Variants in GPC6 observed in about 807,000 individuals in gnomAD.
GPC6 encodes the protein glypican 6.
In GPC6, 14 loss-of-function variants were observed where a neutral mutation model predicts 55.2. That is an observed-to-expected ratio of 0.25 (90% CI 0.17 to 0.40). GPC6 has a LOEUF of 0.40. Among genes scored for constraint, GPC6 ranks in the 10% least tolerant of loss-of-function variants. The pLI is 1.00. For synonymous variants in GPC6, 278 were observed against 259.6 expected (o/e 1.07, Z -0.68); for missense variants, 641 against 708.5 (o/e 0.90, Z 1.08).
intron 4 of GPC6, among the ~76,000 whole-genome samples, chr13:94,136,266 T>G (rs1445699125): frequency 6.6e-6 from 1 of 151,684 alleles, no homozygotes; most frequent in Non-Finnish European, 1.5e-5. Context: ...CCGACTTCTG[T>G]GAACTACTGA....
intron 3 of GPC6, among the ~76,000 whole-genome samples, chr13:93,878,408 G>A (rs186219191): frequency 5.5e-4 from 83 of 152,068 alleles, no homozygotes; most frequent in African/African-American, 1.9e-3. Flanking sequence ...ACGGAGTCTC[G>A]CACTGTCATC....
chr13:93,281,857 A>G (rs1358823869), intron 1 of GPC6, among the ~76,000 whole-genome samples: 4 of 152,222 alleles, frequency 2.6e-5, no homozygotes, highest in South Asian at 4.1e-4. Flanking sequence ...TCCAATATGC[A>G]CCTATTCTGA....
intron 3 of GPC6, among the ~76,000 whole-genome samples, chr13:94,023,132 G>T (rs1396098941): frequency 1.3e-5 from 2 of 151,978 alleles, no homozygotes; most frequent in South Asian, 2.1e-4. Context: ...GTTGCTAAAA[G>T]AATACATTTT....
chr13:93,592,005 T>C (rs1219643282), intron 2 of GPC6, among the ~76,000 whole-genome samples: 1 of 152,152 alleles, frequency 6.6e-6, no homozygotes, highest in Non-Finnish European at 1.5e-5. Context: ...AAGTTAAATA[T>C]AAGGAAGCAG....
intron 6 of GPC6, among the ~76,000 whole-genome samples, chr13:94,317,641 G>T (rs550803655): frequency 6.6e-6 from 1 of 152,254 alleles, no homozygotes; most frequent in Admixed American, 6.5e-5. Flanking sequence ...CAAGTGAAAG[G>T]ATCCTCATGC....
At chr13:93,746,503 C>T (rs1304164983) in intron 2 of GPC6, among the ~76,000 whole-genome samples, 1 of 152,024 alleles carries the variant, frequency 6.6e-6, no homozygotes, top group Admixed American at 6.6e-5. Context: ...CCTAGAGCAT[C>T]AAAAAATGTG....
intron 6 of GPC6, among the ~76,000 whole-genome samples, chr13:94,312,869 A>G (rs922054380): frequency 2.0e-5 from 3 of 152,234 alleles, no homozygotes; most frequent in Non-Finnish European, 4.4e-5. Flanking sequence ...ATTGGCTTTC[A>G]GCCTCCGCTG....
chr13:93,538,432 G>A (rs1352265388), intron 1 of GPC6, among the ~76,000 whole-genome samples: 1 of 152,170 alleles, frequency 6.6e-6, no homozygotes, highest in Non-Finnish European at 1.5e-5. Flanking sequence ...GAGATGAGGA[G>A]ATGGAGAATA....
rs375868690 is a variant in GPC6, at chr13:93,432,202, T to C, written c.161-113061T>C. 8.5e-5 allele frequency among the ~76,000 whole-genome samples: 13 copies of C among 152,276 alleles called. No individual in the cohort carries two copies. In the South Asian group the frequency reaches 1.9e-3, roughly 22 times the overall value. On this transcript the variant is annotated intron_variant, in intron 1 of 8. Transcript: ENST00000377047. ...AAGACAAATTAGAGGCAGTGAGTTA[T>C]ATGTAAGCGTTGCCTTTACCAAGTT...
chr13:94,312,105 TC>T (rs1380148883), intron 6 of GPC6, among the ~76,000 whole-genome samples: 7 of 152,192 alleles, frequency 4.6e-5, no homozygotes, highest in African/African-American at 1.7e-4. Context: ...TATCATAACA[TC>T]CCTGTGTGTC....
chr13:93,748,152 C>T (rs541454114), intron 2 of GPC6, among the ~76,000 whole-genome samples: 11 of 152,138 alleles, frequency 7.2e-5, no homozygotes, highest in South Asian at 2.1e-4. Context: ...TCAATATTAC[C>T]AACGATACTA....
At chr13:93,737,990 A>G (rs1426959430) in intron 2 of GPC6, among the ~76,000 whole-genome samples, 1 of 152,170 alleles carries the variant, frequency 6.6e-6, no homozygotes, top group South Asian at 2.1e-4. Flanking sequence ...TTATATTTTC[A>G]GACTAAAGAT....
At chr13:93,381,554 G>A (rs1875168564) in intron 1 of GPC6, among the ~76,000 whole-genome samples, 1 of 152,108 alleles carries the variant, frequency 6.6e-6, no homozygotes, top group African/African-American at 2.4e-5. Context: ...AGTTACAGGA[G>A]CTTGTGGGCA....
At chr13:93,439,757 T>C (rs1049308925) in intron 1 of GPC6, among the ~76,000 whole-genome samples, 10 of 151,972 alleles carry the variant, frequency 6.6e-5, no homozygotes, top group African/African-American at 2.4e-4. Flanking sequence ...ATTAGCAGCA[T>C]GAGAACTGAC....
intron 1 of GPC6, among the ~76,000 whole-genome samples, chr13:93,382,863 A>T (rs2139206369): frequency 6.6e-6 from 1 of 152,238 alleles, no homozygotes; most frequent in South Asian, 2.1e-4. Context: ...CCCTAAAGCA[A>T]TATTTTCTTC....
intron 4 of GPC6, among the ~76,000 whole-genome samples, chr13:94,226,548 A>G (rs892634184): frequency 6.6e-6 from 1 of 152,122 alleles, no homozygotes; most frequent in Non-Finnish European, 1.5e-5. Context: ...CCATAAATAC[A>G]ATTTTTTAAA....
chr13:93,369,110 T>A (rs9524023), intron 1 of GPC6, among the ~76,000 whole-genome samples: 2 of 151,848 alleles, frequency 1.3e-5, no homozygotes, highest in Non-Finnish European at 2.9e-5. Flanking sequence ...TGCCTCATTA[T>A]TGGTGGGTGG....
intron 4 of GPC6, among the ~76,000 whole-genome samples, chr13:94,055,497 A>G (rs1044194913): frequency 7.9e-5 from 12 of 152,196 alleles, no homozygotes; most frequent in Non-Finnish European, 4.4e-5. Flanking sequence ...TTATTTTACC[A>G]GATTTTTAGG....
chr13:94,363,052 C>A (rs1314301274), intron 6 of GPC6, among the ~76,000 whole-genome samples: 2 of 152,040 alleles, frequency 1.3e-5, no homozygotes, highest in African/African-American at 2.4e-5. Context: ...GCCCCCACCC[C>A]CCGACAGGCC....
Sources: allele counts gnomAD v4.1 joint callset (sites outside exome capture counted in the v4.1 genomes callset), GRCh38; gene constraint gnomAD v4.1.1; transcripts MANE v1.5; gene names NCBI Gene and HGNC (gene_info 2026-07-23, HGNC 2026-07-21).